The following SORCS3 variants were observed in gnomAD, a reference collection of about 807,000 sequenced individuals.
SORCS3 encodes the protein sortilin related VPS10 domain containing receptor 3.
SORCS3 carries 57 observed loss-of-function variants against 146.3 expected under a neutral mutation model. The observed-to-expected ratio is 0.39, with a 90% CI of 0.31 to 0.49. The LOEUF (loss-of-function observed/expected upper bound fraction) is 0.49, where lower values mean the gene tolerates loss of function less well. Ranked by LOEUF, SORCS3 falls within the 20% of genes least tolerant of loss-of-function variation. The pLI, the probability that SORCS3 is intolerant of heterozygous loss-of-function variation, is 0.92. For missense variants in SORCS3, 1,341 were observed against 1,575.5 expected, an observed-to-expected ratio of 0.85 and a Z score of 2.52; for synonymous variants, 653 against 618.5, an observed-to-expected ratio of 1.06 and a Z score of -0.83.
At chr10:105,174,200 A>C (rs2056381678) in intron 13 of SORCS3, among the ~76,000 whole-genome samples, 1 of 152,132 alleles carries the variant, frequency 6.6e-6, no homozygotes, top group African/African-American at 2.4e-5. Flanking sequence ...CTGTAGTCCT[A>C]TGTTGCCACT....
intron 2 of SORCS3, among the ~76,000 whole-genome samples, chr10:104,906,071 A>G (rs1179274076): frequency 6.6e-6 from 1 of 152,140 alleles, no homozygotes; most frequent in South Asian, 2.1e-4. Flanking sequence ...AGGTTTCTGG[A>G]TGTGCCCAAA....
At chr10:105,103,394 A>C (rs1324362687) in intron 6 of SORCS3, among the ~76,000 whole-genome samples, 1 of 152,226 alleles carries the variant, frequency 6.6e-6, no homozygotes, top group Non-Finnish European at 1.5e-5. Flanking sequence ...GCACTCAGCA[A>C]TAGTGGTTGT....
chr10:104,977,329 C>T lies in SORCS3; in HGVS notation c.796-6C>T. On this transcript the variant is annotated splice_region_variant and splice_polypyrimidine_tract_variant and intron_variant, in intron 3 of 26. Coordinates refer to ENST00000369701, the MANE Select transcript of SORCS3 (RefSeq NM_014978.3). ...GTCTGTATATGTCCCTCTATCCTTT[C>T]TTTAGATTATGCTTCTCAGTGATCC... is the stretch of plus-strand genomic sequence containing the variant. The T allele has an allele frequency of 1.2e-6, 2 of 1,607,640 alleles. No homozygotes were observed. Among genetic ancestry groups the T allele is most frequent in the South Asian group, 1.1e-5 (1 of 89,906 alleles).
At chr10:105,109,570 A>G (rs973627785) in intron 7 of SORCS3, among the ~76,000 whole-genome samples, 4 of 152,086 alleles carry the variant, frequency 2.6e-5, no homozygotes, top group Non-Finnish European at 5.9e-5. Context: ...GTTTGTCTGT[A>G]TCTTTTTATA....
intron 2 of SORCS3, among the ~76,000 whole-genome samples, chr10:104,866,970 TGTTTTATTCTCATTAA>T (rs2018465667): frequency 6.6e-6 from 1 of 152,212 alleles, no homozygotes; most frequent in South Asian, 2.1e-4. Flanking sequence ...CTCACATCCT[TGTTTTATTCTCATTAA>T]ACAGATTCAT....
intron 1 of SORCS3, among the ~76,000 whole-genome samples, chr10:104,777,999 CATT>C (rs1175577496): frequency 1.4e-4 from 22 of 151,888 alleles, no homozygotes; most frequent in African/African-American, 4.8e-4. Flanking sequence ...AAGGTAAGCT[CATT>C]ATTGAGTATG....
chr10:104,951,598 AC>A (rs2019430045), intron 3 of SORCS3, among the ~76,000 whole-genome samples: 1 of 151,960 alleles, frequency 6.6e-6, no homozygotes, highest in Admixed American at 6.6e-5. Context: ...TCTCACCTCA[AC>A]CTCCCAAACT....
intron 1 of SORCS3, among the ~76,000 whole-genome samples, chr10:104,744,441 C>T (rs1344880217): frequency 6.6e-6 from 1 of 152,076 alleles, no homozygotes; most frequent in Non-Finnish European, 1.5e-5. Flanking sequence ...TTTATTAAAG[C>T]ACAGGCCATA....
In SORCS3 at chr10:105,178,904, G is replaced by A. The variant is rs191551755; in HGVS notation, c.2009+731G>A. On this transcript the variant is annotated intron_variant, in intron 14 of 26. Coordinates refer to ENST00000369701, the MANE Select transcript of SORCS3 (RefSeq NM_014978.3). ...GGATATTTGCTACAGTGTGGAGTTG[G>A]CACAGAAGGGCTCACAGCGTGCATC... Among the ~76,000 whole-genome samples, 6 of 152,214 alleles carry A rather than the reference G, an allele frequency of 3.9e-5. No individual in the cohort carries two copies. The East Asian group carries it at 1.2e-3, about 29-fold the overall frequency.
At chr10:104,954,165 A>T (rs926333657) in intron 3 of SORCS3, among the ~76,000 whole-genome samples, 1 of 152,222 alleles carries the variant, frequency 6.6e-6, no homozygotes, top group Non-Finnish European at 1.5e-5. Context: ...AAGAAAATTT[A>T]TGCATCCAAG....
At chr10:104,924,875 C>A (rs1043839404) in intron 3 of SORCS3, among the ~76,000 whole-genome samples, 5 of 152,292 alleles carry the variant, frequency 3.3e-5, no homozygotes, top group African/African-American at 1.2e-4. Flanking sequence ...CACTAGCTCC[C>A]ATGCCTGGCC....
intron 3 of SORCS3, among the ~76,000 whole-genome samples, chr10:104,916,767 A>G (rs1347421077): frequency 6.7e-6 from 1 of 149,902 alleles, no homozygotes; most frequent in Non-Finnish European, 1.5e-5. Context: ...CTAAAAGGCT[A>G]AAAAAAAATG....
chr10:104,966,068 T>C (rs1731119839), intron 3 of SORCS3, among the ~76,000 whole-genome samples: 1 of 152,068 alleles, frequency 6.6e-6, no homozygotes, highest in African/African-American at 2.4e-5. Context: ...CATTTTGTGC[T>C]GGATAATTCT....
intron 1 of SORCS3, among the ~76,000 whole-genome samples, chr10:104,695,348 G>A (rs745830211): frequency 6.6e-6 from 1 of 151,660 alleles, no homozygotes; most frequent in Non-Finnish European, 1.5e-5. Context: ...TTGCTGGGGG[G>A]TTAGGAAACT....
intron 20 of SORCS3, among the ~76,000 whole-genome samples, chr10:105,245,066 C>CA (rs3043042): frequency 0.56 from 55,421 of 99,504 alleles, 13,853 homozygotes; most frequent in East Asian, 0.77. Context: ...AAGACTCTGT[C>CA]AAAAAAAAAA....
At position 104,668,018 on chromosome 10, in the gene SORCS3, G is replaced by A. The variant is rs146342234; in HGVS notation, c.627+26064G>A. On this transcript the variant is annotated intron_variant, in intron 1 of 26. Transcript: ENST00000369701. ...AGGAGTGTTTGCCACTTGAGTTCAA[G>A]GCGCCTTCGTGGCACTCCTAGGATT... 2.9e-3 allele frequency among the ~76,000 whole-genome samples: 440 copies of A among 152,292 alleles called. 2 individuals are homozygous for A. The highest frequency in any genetic ancestry group is 9.6e-3 in the African/African-American group (400 of 41,540).
intron 19 of SORCS3, among the ~76,000 whole-genome samples, chr10:105,221,462 A>G (rs556938203): frequency 6.2e-4 from 95 of 152,366 alleles, no homozygotes; most frequent in African/African-American, 2.1e-3. Context: ...AAACAACCAC[A>G]TAACACATTC....
intron 4 of SORCS3, among the ~76,000 whole-genome samples, chr10:104,985,372 A>G (rs1046211357): frequency 6.6e-6 from 1 of 152,128 alleles, no homozygotes; most frequent in Admixed American, 6.6e-5. Context: ...TCACTTCTTC[A>G]GGCTCCACTT....
chr10:105,002,276 C>T (rs887114328), intron 4 of SORCS3, among the ~76,000 whole-genome samples: 7 of 152,106 alleles, frequency 4.6e-5, no homozygotes, highest in African/African-American at 9.7e-5. Context: ...CATATGAAGC[C>T]GTTTCTCAAC....
Sources: gnomAD v4.1 joint callset for allele counts (sites outside exome capture counted in the v4.1 genomes callset) on GRCh38, gnomAD v4.1.1 for gene constraint, MANE v1.5 for transcripts, NCBI Gene and HGNC (gene_info 2026-07-23, HGNC 2026-07-21) for gene names.